Variants in UTP15 observed in about 807,000 individuals in gnomAD.
The protein encoded by UTP15 is UTP15 small subunit processome component, also known as U3 small nucleolar RNA-associated protein 15 homolog.
In UTP15, 5 loss-of-function variants were observed where a neutral mutation model predicts 59.1. The ratio of observed to expected loss-of-function variants is 0.08; its 90% CI spans 0.04 to 0.18. The LOEUF (loss-of-function observed/expected upper bound fraction) is 0.18, where lower values mean the gene tolerates loss of function less well. UTP15 is among the 10% of genes least tolerant of loss of function. The probability of loss-of-function intolerance (pLI) is 1.00; values close to 1 mark genes in which losing one functional copy is unlikely to be tolerated. For synonymous variants in UTP15, 211 were observed against 212.2 expected, an observed-to-expected ratio of 0.99 and a Z score of 0.05; for missense variants, 494 against 616.7, an observed-to-expected ratio of 0.80 and a Z score of 2.11.
intron 7 of UTP15, among the ~76,000 whole-genome samples, chr5:73,573,669 C>T (rs890791059): frequency 2.6e-5 from 4 of 151,678 alleles, no homozygotes; most frequent in African/African-American, 9.7e-5. Flanking sequence ...CTCTGCTTCC[C>T]GGGTTCAAGC....
chr5:73,577,141 C>A, intron 8 of UTP15, 105 bp downstream of exon 8: 1 of 824,802 alleles, frequency 1.2e-6, no homozygotes, highest in South Asian at 1.7e-5. Context: ...ACTTTTCTTG[C>A]CACATCAGAT....
chr5:73,570,888 C>G (rs1747913089), intron 6 of UTP15, among the ~76,000 whole-genome samples, 177 bp downstream of exon 6: 1 of 152,174 alleles, frequency 6.6e-6, no homozygotes. Flanking sequence ...CTAATGTGAG[C>G]CAGGCACTGT....
Position 73,579,128 on chromosome 5 carries a change from C to A in UTP15, c.1258C>A (p.His420Asn). The A allele has an allele frequency of 6.2e-7, 1 of 1,613,808 alleles. No individual in the cohort carries two copies. Among genetic ancestry groups the A allele is most frequent in the South Asian group, 1.1e-5 (1 of 91,000 alleles). Residue 420 changes from histidine (H) to asparagine (N), a missense_variant, in exon 11 of 13, where the codon CAT (histidine) becomes AAT (asparagine). By Grantham distance (68) the His-to-Asn change is moderately conservative. Coordinates refer to ENST00000296792, the MANE Select transcript of UTP15 (RefSeq NM_032175.4). Reference sequence around the variant, plus strand: ...AGGTCGGGATGAGAAGGAAATCAGTCATGTTCTTAATTTTTTGATAAGGTA... The same window carrying A: ...AGGTCGGGATGAGAAGGAAATCAGTAATGTTCTTAATTTTTTGATAAGGTA... ...LAGRDEKEIS[H>N]VLNFLIRNLS... is the part of the protein sequence containing the mutation.
intron 7 of UTP15, among the ~76,000 whole-genome samples, chr5:73,574,466 C>A (rs541932562): frequency 6.6e-6 from 1 of 151,808 alleles, no homozygotes; most frequent in Non-Finnish European, 1.5e-5. Flanking sequence ...TGGCACAGTT[C>A]TAGAATTTAC....
intron 6 of UTP15, 106 bp downstream of exon 6, chr5:73,570,817 T>C (rs1014158090): frequency 2.1e-5 from 31 of 1,467,740 alleles, no homozygotes; most frequent in Middle Eastern, 1.8e-4. Context: ...ATTGCATATC[T>C]AAGTCTTTGT....
In UTP15 at chr5:73,576,539, A is replaced by G. The variant is rs192973406; in HGVS notation, c.810-413A>G. On this transcript the variant is annotated intron_variant, in intron 7 of 12. Coordinates refer to ENST00000296792, the MANE Select transcript of UTP15 (RefSeq NM_032175.4). ...GCCCAGGCTGGAGTGCAGTGGCACA[A>G]TCTTGGCTCACTGCAGCCTCCACCT... is the stretch of plus-strand genomic sequence containing the variant. 1.7e-4 allele frequency among the ~76,000 whole-genome samples: 26 copies of G among 151,740 alleles called. No individual in the cohort carries two copies. The East Asian group carries it at 5.1e-3, about 29-fold the overall frequency.
chr5:73,568,488 C>T lies in UTP15; in HGVS notation c.252C>T (p.Tyr84=). The T allele has an allele frequency of 6.2e-7, 1 of 1,614,132 alleles. No homozygotes were observed. The highest frequency in any genetic ancestry group is 2.2e-5 in the East Asian group (1 of 44,882). The change falls in exon 4 of 13, where the codon TAC becomes TAT. Residue 84 remains tyrosine (Y), a synonymous_variant. Coordinates refer to ENST00000296792, the MANE Select transcript of UTP15 (RefSeq NM_032175.4). ...TTTCTCGATTTAAAGACACAGCATA[C>T]TGTGCTACTTTTCGACAAGATGGTA... ...KTFSRFKDTA[Y]CATFRQDGRL...
chr5:73,576,851 G>C, intron 7 of UTP15, 101 bp from the exon 8 acceptor site: 7 of 784,826 alleles, frequency 8.9e-6, no homozygotes, highest in Non-Finnish European at 1.3e-5. Flanking sequence ...CTTCACTGTT[G>C]TACAGATTTT....
chr5:73,575,296 A>T (rs11955818), intron 7 of UTP15, among the ~76,000 whole-genome samples: 52 of 152,216 alleles, frequency 3.4e-4, no homozygotes, highest in African/African-American at 1.2e-3. Context: ...CTAAGTGTAA[A>T]TTGGCTCTAT....
At chr5:73,572,438 A>G in intron 6 of UTP15, 51 bp from the exon 7 acceptor site, 1 of 1,601,588 alleles carries the variant, frequency 6.2e-7, no homozygotes, top group East Asian at 2.2e-5. Context: ...GATCTTTAAT[A>G]TGTTGAATCT....
chr5:73,566,038 C>G lies in UTP15; in HGVS notation c.-84+126C>G, dbSNP rs1747748026. ...GAGTGGCCAAATTCTTTAACCGGCT[C>G]AAGTTCCCCTCAATTAAGCTTCGAC... On this transcript the variant is annotated intron_variant, in intron 1 of 12. Coordinates refer to ENST00000296792, the MANE Select transcript of UTP15 (RefSeq NM_032175.4). 3 of 352,322 alleles carry G rather than the reference C, an allele frequency of 8.5e-6. No homozygotes were observed. In the Admixed American group the frequency reaches 1.2e-4, roughly 14 times the overall value. The allele number at this position is 352,322 out of a possible 1,614,324, so 21.8% of individuals were successfully genotyped here.
rs1664519669 is a variant in UTP15, at chr5:73,580,117, A to G, written c.*23A>G. 6.3e-7 allele frequency: 1 copy of G among 1,589,822 alleles called. No individual in the cohort carries two copies. Among genetic ancestry groups the G allele is most frequent in the South Asian group, 1.1e-5 (1 of 89,258 alleles). The stretch of plus-strand genomic sequence containing the variant: ...TAGTGTCTGCTAAATAAGACATATA[A>G]GAACTCTGAAGTTGGAATAGATTTG... On this transcript the variant is annotated 3_prime_UTR_variant, in exon 13 of 13. Coordinates refer to ENST00000296792, the MANE Select transcript of UTP15 (RefSeq NM_032175.4).
intron 8 of UTP15, 146 bp from the exon 9 acceptor site, chr5:73,577,710 A>G (rs1748143056): frequency 4.5e-6 from 3 of 660,364 alleles, no homozygotes; most frequent in South Asian, 4.3e-5. Context: ...TGCACCAATC[A>G]TCGTTAGGCA....
At chr5:73,574,246 C>T (rs1194891614) in intron 7 of UTP15, among the ~76,000 whole-genome samples, 4 of 151,790 alleles carry the variant, frequency 2.6e-5, no homozygotes, top group Non-Finnish European at 5.9e-5. Context: ...AGCACTTAAG[C>T]CGGAGTTTGA....
chr5:73,576,987 T>C lies in UTP15; in HGVS notation c.845T>C (p.Val282Ala). Reference protein sequence around the residue: ...VKVYSTTSYKVVHSFDYAASI... With the variant: ...VKVYSTTSYKAVHSFDYAASI... ...GTATACAGCACAACTTCCTACAAAG[T>C]AGTCCACAGTTTTGATTATGCAGCT... Residue 282 changes from valine (V) to alanine (A), a missense_variant, in exon 8 of 13, where the codon GTA (valine) becomes GCA (alanine). By Grantham distance (64) the Val-to-Ala change is moderately conservative. Transcript: ENST00000296792. The C allele has an allele frequency of 6.2e-7, 1 of 1,610,722 alleles. No homozygotes were observed. Among genetic ancestry groups the C allele is most frequent in the Non-Finnish European group, 8.5e-7 (1 of 1,179,204 alleles).
chr5:73,572,376 C>G (rs1747956322), intron 6 of UTP15, 113 bp from the exon 7 acceptor site: 2 of 1,406,290 alleles, frequency 1.4e-6, no homozygotes, highest in East Asian at 4.6e-5. Flanking sequence ...GGCCTGGACT[C>G]CCTCACTCAG....
At chr5:73,568,640 A>G (rs1747850943) in intron 4 of UTP15, 36 bp downstream of exon 4, 4 of 1,558,178 alleles carry the variant, frequency 2.6e-6, no homozygotes, top group Non-Finnish European at 3.5e-6. Flanking sequence ...TTCTGGTTTT[A>G]TTTTGTTGTA....
Position 73,582,591 on chromosome 5 carries a change from G to C in UTP15, c.*2497G>C, listed in dbSNP as rs1188911258. On this transcript the variant is annotated 3_prime_UTR_variant, in exon 13 of 13. Transcript: ENST00000296792. Reference sequence around the variant, plus strand: ...TTTTTGAGATAAGAGGTCTCACCATGTTGCCCAGGCCTGAGGCAATCTCCT... The same window carrying C: ...TTTTTGAGATAAGAGGTCTCACCATCTTGCCCAGGCCTGAGGCAATCTCCT... The C allele has an allele frequency of 1.3e-5, 2 of 152,038 alleles. No individual in the cohort carries two copies. The highest frequency in any genetic ancestry group is 2.9e-5 in the Non-Finnish European group (2 of 68,020). The allele number at this position is 152,038 out of a possible 1,614,324, so 9.4% of individuals were successfully genotyped here.
intron 9 of UTP15, chr5:73,578,309 C>T (rs1748162111): frequency 1.6e-5 from 5 of 319,294 alleles, no homozygotes; most frequent in Non-Finnish European, 2.3e-5. Flanking sequence ...CCAATCATGT[C>T]CCTGTTTGGC....
Sources: allele counts gnomAD v4.1 joint callset (sites outside exome capture counted in the v4.1 genomes callset), GRCh38; gene constraint gnomAD v4.1.1; transcripts MANE v1.5; gene names NCBI Gene and HGNC (gene_info 2026-07-23, HGNC 2026-07-21).